CBR4: variants seen among roughly 807,000 people sequenced by gnomAD.
CBR4 encodes 3-oxoacyl-[acyl-carrier-protein] reductase.
Under a neutral mutation model 21.0 loss-of-function variants are expected in CBR4, and 22 were observed. The observed-to-expected ratio is 1.05, with a 90% CI of 0.75 to 1.50. The LOEUF is 1.50. CBR4 is among the 40% of genes most tolerant of loss of function. CBR4 has a pLI of 0.00. For missense variants in CBR4, 302 were observed against 286.3 expected, an observed-to-expected ratio of 1.05 and a Z score of -0.40; for synonymous variants, 100 against 104.4, an observed-to-expected ratio of 0.96 and a Z score of 0.26.
At chr4:168,895,075 C>A (rs1754818799) in intron 2 of CBR4, among the ~76,000 whole-genome samples, 1 of 152,212 alleles carries the variant, frequency 6.6e-6, no homozygotes, top group South Asian at 2.1e-4. Context: ...GGGGACCAAC[C>A]CCAAGCACAG....
At chr4:168,976,687 G>A (rs1764381169) in intron 2 of CBR4, among the ~76,000 whole-genome samples, 1 of 152,170 alleles carries the variant, frequency 6.6e-6, no homozygotes, top group Non-Finnish European at 1.5e-5. Context: ...TGTGGAGGGT[G>A]TATCATACGA....
At chr4:168,952,925 A>G (rs1156430533) in intron 2 of CBR4, among the ~76,000 whole-genome samples, 1 of 152,218 alleles carries the variant, frequency 6.6e-6, no homozygotes, top group East Asian at 1.9e-4. Context: ...TCCAGAGGGC[A>G]TCAGCTGTGG....
In CBR4 at chr4:168,999,663, G is replaced by C. The variant is rs904204931; in HGVS notation, c.535+2408C>G. Among the ~76,000 whole-genome samples, 4 of 149,518 alleles carry C rather than the reference G, an allele frequency of 2.7e-5. 1 individual carries two copies. Among genetic ancestry groups the C allele is most frequent in the African/African-American group, 9.8e-5 (4 of 40,780 alleles). On this transcript the variant is annotated intron_variant, in intron 4 of 4. Transcript: ENST00000306193. ...AAAAAAAAAAAAAAAAACTGCACTG[G>C]AAAGTAAAATCTTTAAGAAAGAAAG...
intron 2 of CBR4, among the ~76,000 whole-genome samples, chr4:168,933,745 G>A (rs1053521168): frequency 1.3e-5 from 2 of 152,094 alleles, no homozygotes; most frequent in Non-Finnish European, 2.9e-5. Context: ...CATTCTACAG[G>A]ATTGACCATA....
chr4:168,895,782 C>T (rs1754995244), intron 2 of CBR4, among the ~76,000 whole-genome samples: 1 of 152,128 alleles, frequency 6.6e-6, no homozygotes, highest in African/African-American at 2.4e-5. Flanking sequence ...ACTGTTTAGT[C>T]TTAATATCTA....
At chr4:168,996,718 C>T (rs1037526112) in intron 4 of CBR4, among the ~76,000 whole-genome samples, 6 of 152,084 alleles carry the variant, frequency 3.9e-5, no homozygotes, top group Non-Finnish European at 8.8e-5. Flanking sequence ...TTTTAAAACT[C>T]ATGTATCTGT....
intron 2 of CBR4, among the ~76,000 whole-genome samples, chr4:168,977,420 C>T (rs567157484): frequency 1.8e-4 from 28 of 152,308 alleles, no homozygotes; most frequent in African/African-American, 6.7e-4. Flanking sequence ...TCATCTATCT[C>T]TAACCCGTCA....
chr4:168,953,785 T>C (rs1763612066), intron 2 of CBR4, among the ~76,000 whole-genome samples: 1 of 152,034 alleles, frequency 6.6e-6, no homozygotes, highest in African/African-American at 2.4e-5. Flanking sequence ...TGCCAAACAT[T>C]TTAAGACAGC....
At chr4:168,898,750 C>T in intron 2 of CBR4, 2 of 1,403,182 alleles carry the variant, frequency 1.4e-6, no homozygotes, top group Non-Finnish European at 2.0e-6. Flanking sequence ...AAGAGTCATT[C>T]TCTGAGGAAA....
At chr4:168,955,172 AT>A (rs1763648947) in intron 2 of CBR4, among the ~76,000 whole-genome samples, 1 of 152,238 alleles carries the variant, frequency 6.6e-6, no homozygotes, top group South Asian at 2.1e-4. Flanking sequence ...GATGGGAAGT[AT>A]GCTTGCATAC....
chr4:168,921,506 A>G, intron 2 of CBR4: 1 of 1,491,122 alleles, frequency 6.7e-7, no homozygotes. Context: ...TAATACAAAA[A>G]TTTACATGTA....
Position 168,987,839 on chromosome 4 carries a change from C to A in CBR4, c.*2311G>T. 1.0e-6 allele frequency: 1 copy of A among 977,396 alleles called. No homozygotes were observed. The highest frequency in any genetic ancestry group is 1.2e-6 in the Non-Finnish European group (1 of 822,752). 60.5% of individuals were successfully genotyped at this position (977,396 alleles called of 1,614,324 possible). ...ACTAATTTATAACATATAATTATCT[C>A]CCTAAAAAGCAGTTACAAACCATAA... On this transcript the variant is annotated 3_prime_UTR_variant, in exon 5 of 5. Coordinates refer to ENST00000306193, the MANE Select transcript of CBR4 (RefSeq NM_032783.5).
chr4:168,938,085 C>G (rs911606585), intron 2 of CBR4, among the ~76,000 whole-genome samples: 1 of 152,004 alleles, frequency 6.6e-6, no homozygotes, highest in Non-Finnish European at 1.5e-5. Context: ...TAGGCAAATG[C>G]AAAAGAATGG....
chr4:168,958,442 T>C lies in CBR4; in HGVS notation n.169+43629A>G, dbSNP rs143837252. Among the ~76,000 whole-genome samples, 735 of 152,368 alleles carry C rather than the reference T, an allele frequency of 4.8e-3. 7 individuals are homozygous for C. The highest frequency in any genetic ancestry group is 5.5e-3 in the Admixed American group (84 of 15,310). ...GTAATATTTTATTGTATGGATAGATTATATTTTGTTTATCCATTCTCTTAT... is the reference window on the plus strand; with the variant it reads ...GTAATATTTTATTGTATGGATAGATCATATTTTGTTTATCCATTCTCTTAT... On this transcript the variant is annotated intron_variant and non_coding_transcript_variant, in intron 2 of 3. Coordinates refer to the CBR4 transcript ENST00000509108.
intron 2 of CBR4, among the ~76,000 whole-genome samples, chr4:168,948,050 A>AT (rs781632117): frequency 3.3e-5 from 5 of 151,848 alleles, no homozygotes; most frequent in African/African-American, 7.3e-5. Context: ...CTGTTTTTTG[A>AT]TTTTTTCATT....
In CBR4 at chr4:168,916,057, A is replaced by G. The variant is rs986221733; in HGVS notation, n.170-21292T>C. 3.1e-6 allele frequency: 5 copies of G among 1,602,996 alleles called. No individual in the cohort carries two copies. The African/African-American group carries it at 5.3e-5, about 17-fold the overall frequency. On this transcript the variant is annotated intron_variant and non_coding_transcript_variant, in intron 2 of 3. Coordinates refer to the CBR4 transcript ENST00000509108. ...GATTTTGTTATTGCTTGCATATCCT[A>G]TTGCCCCACTTCTCCCTCACTTGCC... is the stretch of plus-strand genomic sequence containing the variant.
chr4:168,984,089 A>G (rs1479759424), downstream of CBR4, among the ~76,000 whole-genome samples: 1 of 152,168 alleles, frequency 6.6e-6, no homozygotes, highest in Non-Finnish European at 1.5e-5. Flanking sequence ...AATAAAGTGC[A>G]TTCAAATAGG....
chr4:168,949,777 C>A (rs1365660688), intron 2 of CBR4, among the ~76,000 whole-genome samples: 2 of 151,940 alleles, frequency 1.3e-5, no homozygotes, highest in African/African-American at 4.8e-5. Context: ...TTTAAATTAC[C>A]ATTTTAATCT....
At chr4:168,992,866 A>G (rs947066126) in intron 4 of CBR4, among the ~76,000 whole-genome samples, 3 of 152,202 alleles carry the variant, frequency 2.0e-5, no homozygotes, top group African/African-American at 7.2e-5. Flanking sequence ...TGGAATAACA[A>G]AACTAATTTT....
Sources: allele counts gnomAD v4.1 joint callset (sites outside exome capture counted in the v4.1 genomes callset), GRCh38; gene constraint gnomAD v4.1.1; transcripts MANE v1.5; gene names NCBI Gene and HGNC (gene_info 2026-07-23, HGNC 2026-07-21).